The following GLYR1 variants were observed in gnomAD, a reference collection of about 807,000 sequenced individuals.
GLYR1 encodes the protein cytokine-like nuclear factor N-PAC.
In GLYR1, 21 loss-of-function variants were observed where a neutral mutation model predicts 72.7. That is an observed-to-expected ratio of 0.29 (90% CI 0.20 to 0.42). The LOEUF (loss-of-function observed/expected upper bound fraction) is 0.42, where lower values mean the gene tolerates loss of function less well. Ranked by LOEUF, GLYR1 falls within the 10% of genes least tolerant of loss-of-function variation. The pLI is 1.00. For missense variants in GLYR1, 594 were observed against 712.1 expected, an observed-to-expected ratio of 0.83 and a Z score of 1.89; for synonymous variants, 392 against 270.2, an observed-to-expected ratio of 1.45 and a Z score of -4.42.
chr16:4,840,114 C>G (rs2085438878), intron 3 of GLYR1: 1 of 152,342 alleles, frequency 6.6e-6, no homozygotes, highest in Admixed American at 6.5e-5. Context: ...TAAAAAATCC[C>G]CTTGCAATAC....
intron 6 of GLYR1, among the ~76,000 whole-genome samples, chr16:4,823,228 T>A (rs367783597): frequency 6.6e-6 from 1 of 152,248 alleles, no homozygotes; most frequent in Admixed American, 6.5e-5. Context: ...CTGTGCTTTA[T>A]AAATTCGGTA....
At chr16:4,832,291 G>A in intron 4 of GLYR1, 70 bp from the exon 5 acceptor site, 1 of 1,577,828 alleles carries the variant, frequency 6.3e-7, no homozygotes, top group Non-Finnish European at 8.6e-7. Flanking sequence ...ATCATTTACA[G>A]GTGCCATGTG....
In GLYR1 at chr16:4,807,180, C is replaced by T. The variant is rs371375440; in HGVS notation, c.1588-1870G>A. Among the ~76,000 whole-genome samples the T allele has an allele frequency of 1.5e-3, 226 of 147,534 alleles. 3 individuals are homozygous for T. In the South Asian group the frequency reaches 0.022, roughly 14 times the overall value. On this transcript the variant is annotated intron_variant, in intron 15 of 15. Transcript: ENST00000321919. ...AGGCTGGAGTGCAATGGCACGATCT[C>T]GGCTCACTGCAACCTCCGCCTCCTG... is the stretch of plus-strand genomic sequence containing the variant.
chr16:4,805,918 T>G (rs1469526443), intron 15 of GLYR1, among the ~76,000 whole-genome samples: 3 of 151,718 alleles, frequency 2.0e-5, no homozygotes, highest in African/African-American at 7.3e-5. Context: ...GAGGCGGAGG[T>G]TGCAGTGAGC....
intron 3 of GLYR1, among the ~76,000 whole-genome samples, chr16:4,842,591 G>A (rs2085645877): frequency 6.6e-6 from 1 of 152,196 alleles, no homozygotes; most frequent in African/African-American, 2.4e-5. Flanking sequence ...CGGCTCCTGG[G>A]CTCAAGCAAT....
Position 4,811,604 on chromosome 16 carries a change from G to C in GLYR1, c.1462+19C>G. ...TAATCAAACACCAAATGCAAGAAGA[G>C]GGGCCAAAAACAACTCACTTTGGCA... On this transcript the variant is annotated intron_variant, in intron 14 of 15. Transcript: ENST00000321919. The C allele has an allele frequency of 6.2e-7, 1 of 1,612,708 alleles. No homozygotes were observed. Among genetic ancestry groups the C allele is most frequent in the Non-Finnish European group, 8.5e-7 (1 of 1,179,874 alleles).
At chr16:4,821,127 G>A (rs2083994318) in intron 9 of GLYR1, 1 of 563,212 alleles carries the variant, frequency 1.8e-6, no homozygotes. Context: ...GAACCACTGA[G>A]CCAAGTGCTC....
intron 3 of GLYR1, among the ~76,000 whole-genome samples, chr16:4,834,685 T>C (rs1000707849): frequency 6.6e-6 from 1 of 152,018 alleles, no homozygotes; most frequent in East Asian, 1.9e-4. Context: ...AGGCTGGTCT[T>C]GAACTTCTGG....
chr16:4,813,741 G>A lies in GLYR1; in HGVS notation c.1115C>T (p.Ala372Val). Residue 372 changes from alanine (A) to valine (V), a missense_variant, in exon 12 of 16, where the codon GCC becomes GTC. This residue lies in a region of GLYR1 where 266 missense variants were observed against 358.4 expected (regional missense o/e 0.74). Coordinates refer to ENST00000321919, the MANE Select transcript of GLYR1 (RefSeq NM_032569.4). ...TVDADTVTEL[A>V]QVIVSRGGRF... ...CAGCCCAAGGAAGGCTGCTACCTGGGCCAGCTCAGTGACGGTGTCAGCGTC... is the reference window on the plus strand; with the variant it reads ...CAGCCCAAGGAAGGCTGCTACCTGGACCAGCTCAGTGACGGTGTCAGCGTC... 1 of 1,599,504 alleles carries A rather than the reference G, an allele frequency of 6.3e-7. No individual in the cohort carries two copies. Among genetic ancestry groups the A allele is most frequent in the Non-Finnish European group, 8.5e-7 (1 of 1,172,794 alleles).
intron 9 of GLYR1, among the ~76,000 whole-genome samples, chr16:4,820,536 C>G (rs1452965630): frequency 6.6e-6 from 1 of 152,148 alleles, no homozygotes; most frequent in Non-Finnish European, 1.5e-5. Context: ...TCCTCCTCCC[C>G]TTTGTTTGCA....
chr16:4,814,436 C>A, intron 11 of GLYR1, 101 bp downstream of exon 11: 1 of 864,122 alleles, frequency 1.2e-6, no homozygotes, highest in East Asian at 2.4e-5. Context: ...CAGCCCCCCA[C>A]ATGTGGACAC....
intron 3 of GLYR1, among the ~76,000 whole-genome samples, chr16:4,844,733 T>C (rs1297283791): frequency 6.6e-6 from 1 of 152,236 alleles, no homozygotes; most frequent in Admixed American, 6.5e-5. Flanking sequence ...CACTCCAGGC[T>C]GGGTGACAGA....
In GLYR1 at chr16:4,847,174, CCCAGGCG is replaced by C; in HGVS notation, c.38+47_38+53del. On this transcript the variant is annotated intron_variant, in intron 1 of 15. Coordinates refer to ENST00000321919, the MANE Select transcript of GLYR1 (RefSeq NM_032569.4). Reference sequence around the variant, plus strand: ...TCCAGGGCCGGCAGCGAACCCCGCGCCCAGGCGGGTAGCTCCCCGGCGCGTCTCGGTT... The same window carrying C: ...TCCAGGGCCGGCAGCGAACCCCGCGCGGTAGCTCCCCGGCGCGTCTCGGTT... 23 of 1,537,704 alleles carry C rather than the reference CCCAGGCG, an allele frequency of 1.5e-5. No homozygotes were observed. In the South Asian group the frequency reaches 2.4e-4, roughly 16 times the overall value.
At chr16:4,828,781 A>T (rs1355867800) in intron 5 of GLYR1, among the ~76,000 whole-genome samples, 1 of 152,144 alleles carries the variant, frequency 6.6e-6, no homozygotes, top group Non-Finnish European at 1.5e-5. Context: ...CGATGAGACA[A>T]GGAAACTGGG....
At chr16:4,811,078 C>T in intron 15 of GLYR1, 92 bp downstream of exon 15, 2 of 1,480,440 alleles carry the variant, frequency 1.4e-6, no homozygotes, top group South Asian at 2.6e-5. Context: ...GCACTCTAGC[C>T]TGGGTGACAG....
At chr16:4,823,740 GACAA>G (rs2141992593) in intron 6 of GLYR1, 77 bp downstream of exon 6, 1 of 928,870 alleles carries the variant, frequency 1.1e-6, no homozygotes, top group Non-Finnish European at 1.6e-6. Flanking sequence ...ACAAGAAAGG[GACAA>G]AAAAAAAAAA....
At chr16:4,834,334 CTT>C (rs1174056756) in intron 3 of GLYR1, among the ~76,000 whole-genome samples, 1 of 129,350 alleles carries the variant, frequency 7.7e-6, no homozygotes, top group Non-Finnish European at 1.6e-5. Context: ...GAGTTTCACT[CTT>C]GTTGCCCAGG....
chr16:4,835,375 T>A (rs1467911989), intron 3 of GLYR1, among the ~76,000 whole-genome samples: 2 of 152,084 alleles, frequency 1.3e-5, no homozygotes, highest in Non-Finnish European at 2.9e-5. Flanking sequence ...TTTAAAGCAT[T>A]TGAGATACTA....
At position 4,812,210 on chromosome 16, in the gene GLYR1, G is replaced by A. The variant is rs192585025; in HGVS notation, c.1158C>T (p.Pro386=). 1.3e-4 allele frequency: 213 copies of A among 1,613,922 alleles called. No individual in the cohort carries two copies. Among genetic ancestry groups the A allele is most frequent in the Non-Finnish European group, 1.7e-4 (204 of 1,179,994 alleles). The change falls in exon 13 of 16, where the codon CCC becomes CCT. Residue 386 remains proline, a synonymous_variant. Transcript: ENST00000321919. ...TAGACAGCTGCTGATTCCCTGAGAC[G>A]GGGGCTTCCAGAAAGCGCCCCCCCC... ...VSRGGRFLEA[P]VSGNQQLSND...
Sources: gnomAD v4.1 joint callset for allele counts (sites outside exome capture counted in the v4.1 genomes callset) on GRCh38, gnomAD v4.1.1 for gene constraint, gnomAD v4.1.1 regional missense constraint, MANE v1.5 for transcripts, NCBI Gene and HGNC (gene_info 2026-07-23, HGNC 2026-07-21) for gene names.